AVEN: variants seen among roughly 807,000 people sequenced by gnomAD.
AVEN encodes the protein apoptosis and caspase activation inhibitor.
A neutral mutation model predicts 38.1 loss-of-function variants in AVEN; 41 were observed. That is an observed-to-expected ratio of 1.08 (90% CI 0.84 to 1.40). The LOEUF (loss-of-function observed/expected upper bound fraction) is 1.40. AVEN is among the 40% of genes most tolerant of loss of function. AVEN has a pLI of 0.00. For synonymous variants in AVEN, 206 were observed against 171.8 expected, an observed-to-expected ratio of 1.20 and a Z score of -1.56; for missense variants, 605 against 438.8, an observed-to-expected ratio of 1.38 and a Z score of -3.38.
intron 2 of AVEN, among the ~76,000 whole-genome samples, chr15:33,879,955 G>A (rs1404288121): frequency 6.6e-6 from 1 of 152,126 alleles, no homozygotes; most frequent in Non-Finnish European, 1.5e-5. Flanking sequence ...CAAACTATAT[G>A]ACAAAGCAGA....
chr15:33,909,022 C>G (rs1021441126), intron 2 of AVEN, among the ~76,000 whole-genome samples: 1 of 152,178 alleles, frequency 6.6e-6, no homozygotes, highest in Non-Finnish European at 1.5e-5. Context: ...TTAATACCCC[C>G]TGTAGTGGTT....
At chr15:34,013,555 T>G (rs192274348) in intron 1 of AVEN, among the ~76,000 whole-genome samples, 4 of 152,212 alleles carry the variant, frequency 2.6e-5, no homozygotes, top group Admixed American at 2.6e-4. Flanking sequence ...GTTTCCTGAG[T>G]AGTTACTGAC....
In AVEN at chr15:34,031,545, T is replaced by A. The variant is rs147146354; in HGVS notation, c.267+7235A>T. ...TGACTTGGTACTAAAGAAATATGGATCAGACAGATTCGTATCAGTCCTTAA... is the reference window on the plus strand; with the variant it reads ...TGACTTGGTACTAAAGAAATATGGAACAGACAGATTCGTATCAGTCCTTAA... On this transcript the variant is annotated intron_variant, in intron 1 of 5. Coordinates refer to ENST00000306730, the MANE Select transcript of AVEN (RefSeq NM_020371.3). Among the ~76,000 whole-genome samples the A allele has an allele frequency of 2.0e-5, 3 of 152,296 alleles. No individual in the cohort carries two copies. In the East Asian group the frequency reaches 5.8e-4, roughly 29 times the overall value.
intron 2 of AVEN, among the ~76,000 whole-genome samples, chr15:33,997,080 G>GA (rs1170055566): frequency 3.3e-5 from 5 of 152,012 alleles, no homozygotes; most frequent in Admixed American, 6.6e-5. Flanking sequence ...CATTCTTCAG[G>GA]AAAAAAAGCA....
chr15:33,942,253 T>A (rs1048675638), intron 2 of AVEN, among the ~76,000 whole-genome samples: 2 of 152,194 alleles, frequency 1.3e-5, no homozygotes, highest in African/African-American at 4.8e-5. Flanking sequence ...CACATTTTTT[T>A]ATATATTAAT....
chr15:34,000,101 C>T (rs1265090209), intron 2 of AVEN, among the ~76,000 whole-genome samples: 1 of 152,210 alleles, frequency 6.6e-6, no homozygotes, highest in Non-Finnish European at 1.5e-5. Context: ...TAGATATCCT[C>T]ACTTGCTCCC....
At chr15:33,984,582 A>C (rs1206514558) in intron 2 of AVEN, among the ~76,000 whole-genome samples, 2 of 152,028 alleles carry the variant, frequency 1.3e-5, no homozygotes, top group Non-Finnish European at 2.9e-5. Flanking sequence ...TTGTATTTTC[A>C]GTAGAGACAG....
downstream of AVEN, chr15:33,857,989 G>A (rs2079880260): frequency 1.6e-5 from 26 of 1,580,312 alleles, 2 homozygotes; most frequent in South Asian, 2.5e-4. Context: ...CTGGGAAGAA[G>A]GGCTGTGTGG....
At chr15:33,990,063 G>A (rs929663499) in intron 2 of AVEN, among the ~76,000 whole-genome samples, 13 of 152,006 alleles carry the variant, frequency 8.6e-5, no homozygotes, top group Non-Finnish European at 1.8e-4. Context: ...AATTAGCCGG[G>A]CGTGGTGGTG....
At chr15:34,038,540 C>T (rs947331379) in intron 1 of AVEN, among the ~76,000 whole-genome samples, 2 of 151,980 alleles carry the variant, frequency 1.3e-5, no homozygotes, top group South Asian at 4.1e-4. Flanking sequence ...GGAAGCCCTC[C>T]TACCCCCACT....
At chr15:33,904,713 A>ACG (rs1892627333) in intron 2 of AVEN, among the ~76,000 whole-genome samples, 1 of 112,040 alleles carries the variant, frequency 8.9e-6, no homozygotes, top group African/African-American at 2.8e-5. Flanking sequence ...ATATATATAT[A>ACG]TATACACACA....
chr15:33,878,335 A>C (rs938706769), intron 2 of AVEN, among the ~76,000 whole-genome samples: 1 of 152,160 alleles, frequency 6.6e-6, no homozygotes, highest in Non-Finnish European at 1.5e-5. Flanking sequence ...TAAGAACAGA[A>C]GAGTGTCTAG....
chr15:33,858,174 T>G (rs1415434159), downstream of AVEN: 1 of 421,006 alleles, frequency 2.4e-6, no homozygotes, highest in Non-Finnish European at 4.2e-6. Flanking sequence ...AGTGGCGTCA[T>G]CATTCATCTA....
intron 1 of AVEN, among the ~76,000 whole-genome samples, chr15:34,022,486 T>A (rs1480301845): frequency 1.3e-5 from 2 of 152,108 alleles, no homozygotes. Flanking sequence ...AAAGGTGGAT[T>A]TTCTCAAAGC....
intron 3 of AVEN, chr15:34,066,424 G>A (rs917873761): frequency 2.6e-5 from 4 of 152,236 alleles, no homozygotes; most frequent in Non-Finnish European, 4.4e-5. Context: ...AACACAAATC[G>A]GGAAAGGATG....
At chr15:33,950,834 T>C (rs1308777316) in intron 2 of AVEN, among the ~76,000 whole-genome samples, 1 of 152,146 alleles carries the variant, frequency 6.6e-6, no homozygotes, top group Non-Finnish European at 1.5e-5. Context: ...AATGAGACCC[T>C]GCCTCTACAG....
rs114491147 is a variant in AVEN, at chr15:33,952,871, A to C, written c.445+50161T>G. The stretch of plus-strand genomic sequence containing the variant: ...AGAGGCTAAAGAGAAAAAAAAAAAA[A>C]AACACTTCATTTCAACAACACATAG... On this transcript the variant is annotated intron_variant, in intron 2 of 5. Coordinates refer to ENST00000306730, the MANE Select transcript of AVEN (RefSeq NM_020371.3). Among the ~76,000 whole-genome samples, 876 of 152,166 alleles carry C rather than the reference A, an allele frequency of 5.8e-3. 6 individuals carry two copies. The highest frequency in any genetic ancestry group is 0.02 in the African/African-American group (828 of 41,506).
At chr15:34,042,544 G>T (rs1433462896), upstream of AVEN, among the ~76,000 whole-genome samples, 3 of 151,638 alleles carry the variant, frequency 2.0e-5, no homozygotes, top group Non-Finnish European at 4.4e-5. Flanking sequence ...AGGATTACAG[G>T]CATGCACCAC....
chr15:34,039,984 G>A (rs1387603786), upstream of AVEN, among the ~76,000 whole-genome samples: 2 of 152,154 alleles, frequency 1.3e-5, no homozygotes, highest in Non-Finnish European at 2.9e-5. Flanking sequence ...TTTAACTTGG[G>A]ACTGAAACCA....
Sources: allele counts gnomAD v4.1 joint callset (sites outside exome capture counted in the v4.1 genomes callset), GRCh38; gene constraint gnomAD v4.1.1; transcripts MANE v1.5; gene names NCBI Gene and HGNC (gene_info 2026-07-23, HGNC 2026-07-21).